The following MYO9B variants were observed in gnomAD, a reference collection of about 807,000 sequenced individuals.
The protein encoded by MYO9B is myosin IXB.
MYO9B carries 71 observed loss-of-function variants against 229.5 expected under a neutral mutation model. That is an observed-to-expected ratio of 0.31 (90% confidence interval 0.26 to 0.38). MYO9B has a LOEUF of 0.38. Among genes scored for constraint, MYO9B ranks in the 10% least tolerant of loss-of-function variants. The probability of loss-of-function intolerance (pLI) is 1.00; values close to 1 mark genes in which losing one functional copy is unlikely to be tolerated. For synonymous variants in MYO9B, 1,185 were observed against 1,235.8 expected (o/e 0.96, Z 0.86); for missense variants, 2,255 against 2,920.5 (o/e 0.77, Z 5.25).
chr19:17,203,313 A>C, intron 30 of MYO9B, 55 bp downstream of exon 30: 1 of 1,366,298 alleles, frequency 7.3e-7, no homozygotes, highest in Non-Finnish European at 1.0e-6. Context: ...ACCACCCCTC[A>C]CTGCTCAAGA....
intron 1 of MYO9B, among the ~76,000 whole-genome samples, chr19:17,097,414 G>T (rs2057703744): frequency 6.6e-6 from 1 of 151,926 alleles, no homozygotes; most frequent in South Asian, 2.1e-4. Flanking sequence ...AATAAACCAG[G>T]CTCTCAAAGC....
intron 2 of MYO9B, among the ~76,000 whole-genome samples, chr19:17,143,504 A>C (rs1471532955): frequency 6.6e-6 from 1 of 152,158 alleles, no homozygotes; most frequent in Non-Finnish European, 1.5e-5. Flanking sequence ...CAGGAACAGA[A>C]CACCTAATAT....
rs529405728 is a variant in MYO9B, at chr19:17,212,506, G to A, written c.*196G>A. On this transcript the variant is annotated 3_prime_UTR_variant, in exon 40 of 40. Transcript: ENST00000682292. The surrounding 1 kb of genome is among the most constrained non-coding windows in gnomAD (Gnocchi z 5.4). ...CGGCTGGAGCCAGGCCCCCTCGCAC[G>A]CAGCCCCCAAATCATGGACGCACCT... is the stretch of plus-strand genomic sequence containing the variant. The A allele has an allele frequency of 2.9e-4, 166 of 569,266 alleles. 1 individual carries two copies. The highest frequency in any genetic ancestry group is 2.8e-3 in the African/African-American group (145 of 51,366). The allele number at this position is 569,266 out of a possible 1,614,324, so 35.3% of individuals were successfully genotyped here.
At chr19:17,200,254 A>G (rs778450642) in intron 24 of MYO9B, 39 bp from the exon 25 acceptor site, 3 of 1,589,804 alleles carry the variant, frequency 1.9e-6, no homozygotes, top group African/African-American at 1.4e-5. Flanking sequence ...GTCCATTTTC[A>G]TTTCAGACTT....
chr19:17,211,033 G>C (rs976878912), intron 38 of MYO9B, among the ~76,000 whole-genome samples, 185 bp downstream of exon 38: 6 of 145,474 alleles, frequency 4.1e-5, no homozygotes, highest in African/African-American at 1.6e-4. Flanking sequence ...CGCCCAGCTG[G>C]AGTGCAGTGG....
chr19:17,117,005 T>C (rs1568670506), intron 2 of MYO9B, among the ~76,000 whole-genome samples: 1 of 152,160 alleles, frequency 6.6e-6, no homozygotes, highest in Non-Finnish European at 1.5e-5. Context: ...AGTGAAATTA[T>C]GGGGTATATT....
At chr19:17,135,592 C>T (rs559721847) in intron 2 of MYO9B, among the ~76,000 whole-genome samples, 46 of 152,256 alleles carry the variant, frequency 3.0e-4, no homozygotes, top group Middle Eastern at 3.4e-3. Flanking sequence ...TAGCACCAAC[C>T]GGATATTTTT....
chr19:17,202,808 GC>G, intron 28 of MYO9B, 33 bp from the exon 29 acceptor site: 1 of 1,566,214 alleles, frequency 6.4e-7, no homozygotes, highest in Non-Finnish European at 8.7e-7. Context: ...TCCCAGGGGG[GC>G]CCCCGCCAAC....
chr19:17,145,637 T>C, intron 3 of MYO9B, 146 bp downstream of exon 3: 1 of 747,338 alleles, frequency 1.3e-6, no homozygotes, highest in East Asian at 2.6e-5. Context: ...TTTTAGGTCT[T>C]TGAGGTGAAG....
In MYO9B at chr19:17,202,112, C is replaced by A; in HGVS notation, c.4663-18C>A. 1 of 1,612,998 alleles carries A rather than the reference C, an allele frequency of 6.2e-7. No individual in the cohort carries two copies. The highest frequency in any genetic ancestry group is 8.5e-7 in the Non-Finnish European group (1 of 1,179,232). On this transcript the variant is annotated intron_variant, in intron 27 of 39. Coordinates refer to ENST00000682292, the MANE Select transcript of MYO9B (RefSeq NM_004145.4). The stretch of plus-strand genomic sequence containing the variant: ...CCCCTTGCCCAGGCCTGCAGGGTGA[C>A]GCCTAGCATTCCTACAGAACGGGAA...
intron 1 of MYO9B, among the ~76,000 whole-genome samples, chr19:17,087,496 AG>A (rs1478188698): frequency 6.6e-6 from 1 of 152,270 alleles, no homozygotes; most frequent in East Asian, 1.9e-4. Context: ...AAAAGGCTGG[AG>A]CAACCGAAGG....
chr19:17,129,591 C>A (rs2072169178), intron 2 of MYO9B, among the ~76,000 whole-genome samples: 1 of 152,158 alleles, frequency 6.6e-6, no homozygotes, highest in African/African-American at 2.4e-5. Context: ...GCGTCAGCCT[C>A]CTGCTCTTGG....
chr19:17,140,317 T>C (rs1470958643), intron 2 of MYO9B, among the ~76,000 whole-genome samples: 1 of 152,146 alleles, frequency 6.6e-6, no homozygotes, highest in Non-Finnish European at 1.5e-5. Context: ...GAAGGCCCTC[T>C]TCTTGGTTCA....
intron 24 of MYO9B, 64 bp from the exon 25 acceptor site, chr19:17,200,225 CAGGG>C: frequency 6.4e-7 from 1 of 1,551,396 alleles, no homozygotes; most frequent in East Asian, 2.2e-5. Flanking sequence ...TGTCCAGTCA[CAGGG>C]AGGCTGGGCC....
chr19:17,126,458 G>A (rs1039464093), intron 2 of MYO9B, among the ~76,000 whole-genome samples: 7 of 152,216 alleles, frequency 4.6e-5, no homozygotes, highest in African/African-American at 7.2e-5. Context: ...CTTTTCTCAC[G>A]AAAACCAGAC....
intron 8 of MYO9B, among the ~76,000 whole-genome samples, chr19:17,160,919 G>A (rs1052434769): frequency 2.0e-5 from 3 of 151,770 alleles, no homozygotes; most frequent in Non-Finnish European, 4.4e-5. Flanking sequence ...GGCTGGTCTT[G>A]AACTCCTGAC....
intron 1 of MYO9B, among the ~76,000 whole-genome samples, chr19:17,098,302 G>T (rs556549013): frequency 6.6e-6 from 1 of 152,114 alleles, no homozygotes; most frequent in African/African-American, 2.4e-5. Context: ...CAGTCCACCC[G>T]CCTTGGCCTC....
chr19:17,209,782 G>T, intron 36 of MYO9B, 73 bp downstream of exon 36: 4 of 1,555,346 alleles, frequency 2.6e-6, no homozygotes, highest in Non-Finnish European at 3.5e-6. Context: ...GGCCTTGGGC[G>T]TGGCTTTGTT....
At chr19:17,134,381 GTTTTTTTTTTTTT>G (rs869297825) in intron 2 of MYO9B, among the ~76,000 whole-genome samples, 32 of 46,480 alleles carry the variant, frequency 6.9e-4, no homozygotes, top group African/African-American at 2.1e-3. Flanking sequence ...CGTTTTGTTT[GTTTTTTTTTTTTT>G]TTTTTTTTTT....
Sources: allele counts gnomAD v4.1 joint callset (sites outside exome capture counted in the v4.1 genomes callset), GRCh38; gene constraint gnomAD v4.1.1; non-coding constraint Gnocchi (gnomAD v3.1); transcripts MANE v1.5; gene names NCBI Gene and HGNC (gene_info 2026-07-23, HGNC 2026-07-21).